HHAT: variants seen among roughly 807,000 people sequenced by gnomAD.
The protein encoded by HHAT is protein-cysteine N-palmitoyltransferase HHAT.
Under a neutral mutation model 70.8 loss-of-function variants are expected in HHAT, and 47 were observed. The observed-to-expected ratio is 0.66, with a 90% CI of 0.53 to 0.85. The LOEUF is 0.85. HHAT is among the 40% of genes least tolerant of loss of function. The pLI is 0.00. For missense variants in HHAT, 609 were observed against 604.8 expected (o/e 1.01, Z -0.07); for synonymous variants, 228 against 247.6 (o/e 0.92, Z 0.74).
chr1:210,555,440 G>T (rs2095563356), intron 9 of HHAT, among the ~76,000 whole-genome samples: 1 of 152,214 alleles, frequency 6.6e-6, no homozygotes, highest in Non-Finnish European at 1.5e-5. Flanking sequence ...ATTGTGAGGT[G>T]AACAAGACTG....
At chr1:210,424,750 T>G (rs377662283) in intron 7 of HHAT, among the ~76,000 whole-genome samples, 1 of 152,198 alleles carries the variant, frequency 6.6e-6, no homozygotes, top group Non-Finnish European at 1.5e-5. Flanking sequence ...CAGGCTATCA[T>G]TGATGGGCAT....
chr1:210,347,097 C>G (rs757077627), intron 1 of HHAT, among the ~76,000 whole-genome samples: 2 of 152,166 alleles, frequency 1.3e-5, no homozygotes, highest in African/African-American at 2.4e-5. Flanking sequence ...ACTATAATCA[C>G]CATGCTGTAT....
intron 10 of HHAT, among the ~76,000 whole-genome samples, chr1:210,595,526 C>T (rs977152156): frequency 1.1e-4 from 17 of 152,174 alleles, no homozygotes; most frequent in African/African-American, 4.1e-4. Flanking sequence ...TTCTGGATCC[C>T]TGAGGAGTCG....
At chr1:210,561,595 G>A (rs2095623238) in intron 9 of HHAT, among the ~76,000 whole-genome samples, 1 of 152,124 alleles carries the variant, frequency 6.6e-6, no homozygotes, top group Non-Finnish European at 1.5e-5. Flanking sequence ...TGCTCTGTAT[G>A]CTACTCACAT....
At chr1:210,333,095 G>A (rs1226010666) in intron 1 of HHAT, among the ~76,000 whole-genome samples, 1 of 152,228 alleles carries the variant, frequency 6.6e-6, no homozygotes, top group Non-Finnish European at 1.5e-5. Context: ...GCCCACAGAT[G>A]CAGCTGTACG....
chr1:210,626,083 G>A (rs1669776390), intron 11 of HHAT, among the ~76,000 whole-genome samples: 1 of 152,172 alleles, frequency 6.6e-6, no homozygotes, highest in South Asian at 2.1e-4. Context: ...AGATGTGTGG[G>A]GGTCAAGGGC....
intron 1 of HHAT, among the ~76,000 whole-genome samples, chr1:210,347,984 G>T (rs2086665911): frequency 6.6e-6 from 1 of 152,228 alleles, no homozygotes. Flanking sequence ...TGATGTGTAA[G>T]AAGAGAGACT....
rs2095105895 is a variant in HHAT at position 210,518,915 on chromosome 1, T to C, written c.1043+5727T>C. ...AGTTTTATTAGAAAGAGAAATGTTA[T>C]GTATTGTTTTGAAAGAAAGCTCATT... On this transcript the variant is annotated intron_variant, in intron 9 of 11. Transcript: ENST00000261458. 2.6e-5 allele frequency among the ~76,000 whole-genome samples: 4 copies of C among 152,226 alleles called. No individual in the cohort carries two copies. The South Asian group carries it at 8.3e-4, about 32-fold the overall frequency.
chr1:210,637,865 A>AAAAG (rs1553312409), intron 11 of HHAT, among the ~76,000 whole-genome samples: 3 of 130,348 alleles, frequency 2.3e-5, no homozygotes, highest in African/African-American at 2.7e-5. Flanking sequence ...TCTCAAAAAA[A>AAAAG]AAAAAAGGGG....
At chr1:210,564,270 A>G (rs1390863003) in intron 9 of HHAT, among the ~76,000 whole-genome samples, 1 of 151,982 alleles carries the variant, frequency 6.6e-6, no homozygotes, top group Non-Finnish European at 1.5e-5. Flanking sequence ...GCTTCACTAT[A>G]TTGTTAATGT....
At chr1:210,673,785 A>G (rs1680621004) in intron 11 of HHAT, among the ~76,000 whole-genome samples, 1 of 134,674 alleles carries the variant, frequency 7.4e-6, no homozygotes, top group African/African-American at 3.4e-5. Context: ...TTATTTATTT[A>G]TTTATTTATT....
At chr1:210,512,259 G>A (rs2094967720) in intron 8 of HHAT, among the ~76,000 whole-genome samples, 1 of 152,142 alleles carries the variant, frequency 6.6e-6, no homozygotes, top group South Asian at 2.1e-4. Context: ...AAAGCTCCAG[G>A]ACTACAACTA....
At chr1:210,347,073 A>T (rs1475643786) in intron 1 of HHAT, among the ~76,000 whole-genome samples, 1 of 152,196 alleles carries the variant, frequency 6.6e-6, no homozygotes, top group Non-Finnish European at 1.5e-5. Flanking sequence ...CAAGAATATA[A>T]TACATTATTG....
intron 7 of HHAT, among the ~76,000 whole-genome samples, chr1:210,427,262 C>A (rs2093092373): frequency 1.3e-5 from 2 of 151,702 alleles, no homozygotes; most frequent in South Asian, 4.2e-4. Context: ...TTTTTTTAAA[C>A]CAATTCCTGG....
intron 9 of HHAT, among the ~76,000 whole-genome samples, chr1:210,574,666 A>G (rs1208863593): frequency 6.6e-6 from 1 of 152,172 alleles, no homozygotes; most frequent in African/African-American, 2.4e-5. Flanking sequence ...AACCTAGAGT[A>G]TACACCTATC....
chr1:210,398,680 A>G (rs1235626189), intron 4 of HHAT, among the ~76,000 whole-genome samples: 3 of 152,234 alleles, frequency 2.0e-5, no homozygotes, highest in Non-Finnish European at 2.9e-5. Context: ...CTATGTATGT[A>G]GCCACACATG....
intron 7 of HHAT, among the ~76,000 whole-genome samples, chr1:210,422,058 A>C (rs1391205675): frequency 6.6e-6 from 1 of 152,174 alleles, no homozygotes; most frequent in Non-Finnish European, 1.5e-5. Flanking sequence ...TTTCTTCTAA[A>C]GCTTTTAAAG....
At chr1:210,667,652 C>T (rs925109852) in intron 11 of HHAT, among the ~76,000 whole-genome samples, 6 of 152,230 alleles carry the variant, frequency 3.9e-5, no homozygotes, top group African/African-American at 1.2e-4. Context: ...AGATATAAAA[C>T]ATCATCATCC....
chr1:210,637,857 T>TTA, intron 11 of HHAT, among the ~76,000 whole-genome samples: 1 of 17,422 alleles, frequency 5.7e-5, no homozygotes, highest in South Asian at 4.7e-3. Flanking sequence ...AGACTCCGTC[T>TTA]CAAAAAAAAA....
Sources: allele counts gnomAD v4.1 joint callset (sites outside exome capture counted in the v4.1 genomes callset), GRCh38; gene constraint gnomAD v4.1.1; transcripts MANE v1.5; gene names NCBI Gene and HGNC (gene_info 2026-07-23, HGNC 2026-07-21).